The following INTS10 variants were observed in gnomAD, a reference collection of about 807,000 sequenced individuals.
INTS10 encodes the protein chromosome 8 open reading frame 35.
A neutral mutation model predicts 94.4 loss-of-function variants in INTS10; 44 were observed. The ratio of observed to expected loss-of-function variants is 0.47; its 90% CI spans 0.37 to 0.60. INTS10 has a LOEUF of 0.60. Among genes scored for constraint, INTS10 ranks in the 20% least tolerant of loss-of-function variants. The pLI is 0.00. For synonymous variants in INTS10, 341 were observed against 320.7 expected, an observed-to-expected ratio of 1.06 and a Z score of -0.68; for missense variants, 797 against 868.7, an observed-to-expected ratio of 0.92 and a Z score of 1.04.
At chr8:19,827,886 GTT>G (rs2066925908) in intron 9 of INTS10, among the ~76,000 whole-genome samples, 1 of 152,148 alleles carries the variant, frequency 6.6e-6, no homozygotes, top group African/African-American at 2.4e-5. Context: ...TGCTCACAGT[GTT>G]TTGTTTGTTT....
chr8:19,833,025 C>G (rs1024821002), intron 11 of INTS10, 144 bp from the exon 12 acceptor site: 1 of 548,960 alleles, frequency 1.8e-6, no homozygotes, highest in South Asian at 4.8e-5. Flanking sequence ...GCCAATTCTC[C>G]GTTTCTTCCT....
chr8:19,850,931 T>G (rs1027182585), intron 16 of INTS10, among the ~76,000 whole-genome samples: 4 of 152,154 alleles, frequency 2.6e-5, no homozygotes, highest in Non-Finnish European at 4.4e-5. Flanking sequence ...AGGTCTCCCC[T>G]GAGTGCCCAG....
chr8:19,830,998 T>A lies in INTS10; in HGVS notation c.1294+439T>A, dbSNP rs1022783964. 3.3e-5 allele frequency among the ~76,000 whole-genome samples: 5 copies of A among 152,188 alleles called. No individual in the cohort carries two copies. The South Asian group carries it at 1.0e-3, about 32-fold the overall frequency. ...TATTGCTGTTTTTATCTGCATTAAC[T>A]CCATTGTCTGAAAAACTCAAAATCC... On this transcript the variant is annotated intron_variant, in intron 10 of 16. Coordinates refer to ENST00000397977, the MANE Select transcript of INTS10 (RefSeq NM_018142.4).
chr8:19,839,890 C>T (rs2067987491), intron 13 of INTS10, among the ~76,000 whole-genome samples: 1 of 151,690 alleles, frequency 6.6e-6, no homozygotes, highest in Admixed American at 6.6e-5. Context: ...TGGTGAAACC[C>T]CATCTCTACT....
chr8:19,827,524 A>G (rs2066898147), intron 9 of INTS10, among the ~76,000 whole-genome samples: 1 of 152,142 alleles, frequency 6.6e-6, no homozygotes, highest in Non-Finnish European at 1.5e-5. Context: ...GTCCTCTACC[A>G]TACCCTGGGC....
chr8:19,845,712 A>G lies in INTS10; in HGVS notation c.1891A>G (p.Met631Val). 1 of 1,612,162 alleles carries G rather than the reference A, an allele frequency of 6.2e-7. No homozygotes were observed. The highest frequency in any genetic ancestry group is 8.5e-7 in the Non-Finnish European group (1 of 1,178,210). The change falls in exon 16 of 17, where the codon ATG (methionine) becomes GTG (valine). Residue 631 changes from methionine (M) to valine (V), a missense_variant. Physicochemically the swap from Met to Val is conservative, Grantham distance 21 (BLOSUM62 1). Coordinates refer to ENST00000397977, the MANE Select transcript of INTS10 (RefSeq NM_018142.4). ...CTGAATCTGGCCTGCAGATATTGAT[A>G]TGCTGGAGGAATTTGCCTACTTGAG... ...NFFNYVTNID[M>V]LEEFAYLRTQ... is the part of the protein sequence containing the mutation.
chr8:19,825,090 C>A (rs1456074628), intron 8 of INTS10, 118 bp downstream of exon 8: 1 of 796,264 alleles, frequency 1.3e-6, no homozygotes, highest in Non-Finnish European at 2.0e-6. Context: ...CAGTACCAGT[C>A]CTTTTTATAG....
rs375355978 is a variant in INTS10 at position 19,823,435 on chromosome 8, C to G, written c.658C>G (p.His220Asp). The G allele has an allele frequency of 6.2e-7, 1 of 1,601,020 alleles. No individual in the cohort carries two copies. Among genetic ancestry groups the G allele is most frequent in the East Asian group, 2.2e-5 (1 of 44,792 alleles). The change falls in exon 6 of 17, where the codon CAT becomes GAT. Residue 220 changes from histidine to aspartate, a missense_variant. Coordinates refer to ENST00000397977, the MANE Select transcript of INTS10 (RefSeq NM_018142.4). ...TAGGTCTACTCAAATAGAAAATCAG[C>G]ATCAAGGTAAGTAGGAATACCCTGT... ...VTRSTQIENQHQGAQDTSDLM... is the reference protein window; with the variant it reads ...VTRSTQIENQDQGAQDTSDLM...
At position 19,849,040 on chromosome 8, in the gene INTS10, A is replaced by C; in HGVS notation, c.1977-2609A>C. On this transcript the variant is annotated intron_variant, in intron 16 of 16. Coordinates refer to ENST00000397977, the MANE Select transcript of INTS10 (RefSeq NM_018142.4). The surrounding 1 kb of genome is among the most constrained non-coding windows in gnomAD (Gnocchi z 4.6). ...CCCAGCCACGGCCAGGGGCTTGTTG[A>C]GGTTAATGAGTTTCTGTTTAGTCTG... 1 of 377,956 alleles carries C rather than the reference A, an allele frequency of 2.6e-6. No homozygotes were observed. Among genetic ancestry groups the C allele is most frequent in the Non-Finnish European group, 5.3e-6 (1 of 189,360 alleles). The allele number at this position is 377,956 out of a possible 1,614,324, so 23.4% of individuals were successfully genotyped here. A position where few individuals can be genotyped will look rare whatever the true frequency, so the allele number is the denominator to read the frequency against.
In INTS10 at chr8:19,832,096, A is replaced by G. The variant is rs762940608; in HGVS notation, c.1363A>G (p.Met455Val). 4 of 1,571,130 alleles carry G rather than the reference A, an allele frequency of 2.5e-6. No individual in the cohort carries two copies. Among genetic ancestry groups the G allele is most frequent in the Admixed American group, 1.7e-5 (1 of 59,932 alleles). Residue 455 changes from methionine to valine, a missense_variant, in exon 11 of 17, where the codon ATG (methionine) becomes GTG (valine). This residue lies in a region of INTS10 where 734 missense variants were observed against 787.8 expected (regional missense o/e 0.93). Coordinates refer to ENST00000397977, the MANE Select transcript of INTS10 (RefSeq NM_018142.4). Reference protein sequence around the residue: ...WLWLRIFLTDMIIYQGQYKKA... With the variant: ...WLWLRIFLTDVIIYQGQYKKA... ...TTGGTTAAGAATCTTCCTCACTGAT[A>G]TGATCATCTATCAGGTAGAGTATTA...
intron 5 of INTS10, 125 bp from the exon 6 acceptor site, chr8:19,823,176 T>C (rs1195248286): frequency 7.1e-6 from 5 of 702,502 alleles, no homozygotes; most frequent in Non-Finnish European, 9.7e-6. Context: ...ACATGAGTCA[T>C]AAGGGATTTT....
intron 10 of INTS10, 26 bp from the exon 11 acceptor site, chr8:19,832,001 TA>T (rs753785956): frequency 8.1e-6 from 11 of 1,350,098 alleles, no homozygotes; most frequent in African/African-American, 2.9e-5. Flanking sequence ...ATATATTTGG[TA>T]AATTTGTTCT....
chr8:19,846,871 T>C lies in INTS10; in HGVS notation c.1976+1074T>C, dbSNP rs2068626050. 6.6e-6 allele frequency among the ~76,000 whole-genome samples: 1 copy of C among 152,200 alleles called. No individual in the cohort carries two copies. The highest frequency in any genetic ancestry group is 1.5e-5 in the Non-Finnish European group (1 of 68,034). On this transcript the variant is annotated intron_variant, in intron 16 of 16. Transcript: ENST00000397977. This position sits in a 1 kb window ranked among gnomAD's most constrained non-coding sequence, Gnocchi z 4.2. ...CCTCCTTTGCTTCCTGCACATTCAG[T>C]GTGTCTGTAAGTCAGTGTTAGAGTT...
At position 19,851,714 on chromosome 8, in the gene INTS10, G is replaced by A. The variant is rs754588177; in HGVS notation, c.2042G>A (p.Arg681His). The change falls in exon 17 of 17, where the codon CGC becomes CAC. Residue 681 changes from arginine to histidine, a missense_variant. Coordinates refer to ENST00000397977, the MANE Select transcript of INTS10 (RefSeq NM_018142.4). The surrounding 1 kb of genome is among the most constrained non-coding windows in gnomAD (Gnocchi z 5.0). ...VKEDFRLAME[R>H]QVSRCGENLM... Reference sequence around the variant, plus strand: ...GAGGACTTTCGCCTGGCCATGGAGCGCCAGGTCTCCCGCTGTGGAGAGAAT... The same window carrying A: ...GAGGACTTTCGCCTGGCCATGGAGCACCAGGTCTCCCGCTGTGGAGAGAAT... 4 of 1,614,000 alleles carry A rather than the reference G, an allele frequency of 2.5e-6. No homozygotes were observed. Among genetic ancestry groups the A allele is most frequent in the Non-Finnish European group, 3.4e-6 (4 of 1,179,904 alleles).
chr8:19,844,138 G>A lies in INTS10; in HGVS notation c.1782G>A (p.Gln594=). 1 of 1,614,032 alleles carries A rather than the reference G, an allele frequency of 6.2e-7. No homozygotes were observed. Among genetic ancestry groups the A allele is most frequent in the South Asian group, 1.1e-5 (1 of 91,082 alleles). ...MALGHVIVLL[Q]QEWPRGENLF... ...TGGGGCATGTGATTGTGTTGCTTCA[G>A]CAAGAGTGGCCACGGGGCGAGAATC... The change falls in exon 15 of 17, where the codon CAG becomes CAA. Residue 594 remains glutamine, a synonymous_variant. Coordinates refer to ENST00000397977, the MANE Select transcript of INTS10 (RefSeq NM_018142.4).
chr8:19,818,210 T>C, intron 1 of INTS10, 65 bp from the exon 2 acceptor site: 1 of 1,518,630 alleles, frequency 6.6e-7, no homozygotes. Context: ...CAACGAGCGA[T>C]GCTGGATGAG....
At position 19,843,220 on chromosome 8, in the gene INTS10, T is replaced by C. The variant is rs1039200734; in HGVS notation, c.1719+293T>C. ...GGTAAATATTTTATCAATATAAATA[T>C]ATTAGCTACAAAGAAAGGGAATACA... On this transcript the variant is annotated intron_variant, in intron 14 of 16. Coordinates refer to ENST00000397977, the MANE Select transcript of INTS10 (RefSeq NM_018142.4). The surrounding 1 kb of genome is among the most constrained non-coding windows in gnomAD (Gnocchi z 4.7). 1.3e-5 allele frequency among the ~76,000 whole-genome samples: 2 copies of C among 152,332 alleles called. No homozygotes were observed. The highest frequency in any genetic ancestry group is 1.9e-4 in the East Asian group (1 of 5,190).
chr8:19,824,183 G>C (rs1213983328), intron 7 of INTS10, 139 bp downstream of exon 7: 3 of 630,482 alleles, frequency 4.8e-6, no homozygotes, highest in African/African-American at 3.8e-5. Flanking sequence ...AAAAGAGGAT[G>C]GTTTTTCATT....
At position 19,849,181 on chromosome 8, in the gene INTS10, G is replaced by T. The variant is rs938244069; in HGVS notation, c.1977-2468G>T. On this transcript the variant is annotated intron_variant, in intron 16 of 16. Coordinates refer to ENST00000397977, the MANE Select transcript of INTS10 (RefSeq NM_018142.4). This position sits in a 1 kb window ranked among gnomAD's most constrained non-coding sequence, Gnocchi z 4.6. ...TTAAAGGCCTTCTAGCCCTCCCATG[G>T]GGTTACTGCAGCAGGAATTCTTACC... The T allele has an allele frequency of 6.2e-6, 8 of 1,289,538 alleles. 1 individual carries two copies. The Admixed American group carries it at 1.1e-4, about 19-fold the overall frequency. The allele number at this position is 1,289,538 out of a possible 1,614,324, so 79.9% of individuals were successfully genotyped here.
Sources: gnomAD v4.1 joint callset for allele counts (sites outside exome capture counted in the v4.1 genomes callset) on GRCh38, gnomAD v4.1.1 for gene constraint, gnomAD v4.1.1 regional missense constraint, Gnocchi (gnomAD v3.1) non-coding constraint, MANE v1.5 for transcripts, NCBI Gene and HGNC (gene_info 2026-07-23, HGNC 2026-07-21) for gene names.